Variants in PIEZO2 observed in about 807,000 individuals in gnomAD.
PIEZO2 encodes piezo-type mechanosensitive ion channel component 2.
A neutral mutation model predicts 337.3 loss-of-function variants in PIEZO2; 172 were observed. That is an observed-to-expected ratio of 0.51 (90% CI 0.45 to 0.58). PIEZO2 has a LOEUF of 0.58. Among genes scored for constraint, PIEZO2 ranks in the 20% least tolerant of loss-of-function variants. The pLI is 0.00. For missense variants in PIEZO2, 3,028 were observed against 3,391.3 expected, an observed-to-expected ratio of 0.89 and a Z score of 2.66; for synonymous variants, 1,251 against 1,228.5, an observed-to-expected ratio of 1.02 and a Z score of -0.38.
At chr18:11,133,634 T>C (rs371083352) in intron 1 of PIEZO2, among the ~76,000 whole-genome samples, 10 of 152,142 alleles carry the variant, frequency 6.6e-5, no homozygotes, top group Admixed American at 2.0e-4. Context: ...CTTCCCAGTC[T>C]ATATCTTTGT....
intron 3 of PIEZO2, among the ~76,000 whole-genome samples, chr18:10,964,776 C>G (rs1435635439): frequency 6.6e-6 from 1 of 152,186 alleles, no homozygotes; most frequent in South Asian, 2.1e-4. Context: ...TACCCAGAGC[C>G]CTTGGCAACA....
chr18:11,015,148 G>A lies in PIEZO2; in HGVS notation c.161-35488C>T, dbSNP rs555123462. Among the ~76,000 whole-genome samples the A allele has an allele frequency of 7.3e-3, 718 of 98,842 alleles. 73 individuals carry two copies. The highest frequency in any genetic ancestry group is 0.033 in the African/African-American group (660 of 20,252). The allele number at this position is 98,842 out of a possible 152,430, so 64.8% of individuals were successfully genotyped here. ...AACATGTCACCCTGGGTGAGACAGC[G>A]ATCCATGACCCCCTCATTCCTCAGT... On this transcript the variant is annotated intron_variant, in intron 2 of 55. Transcript: ENST00000674853.
At chr18:10,778,726 G>A (rs1346027685) in intron 18 of PIEZO2, among the ~76,000 whole-genome samples, 1 of 152,176 alleles carries the variant, frequency 6.6e-6, no homozygotes, top group Non-Finnish European at 1.5e-5. Flanking sequence ...TTGGTCATTT[G>A]GGGTGACTTT....
chr18:11,007,939 A>G (rs1465347907), intron 2 of PIEZO2, among the ~76,000 whole-genome samples: 1 of 152,224 alleles, frequency 6.6e-6, no homozygotes, highest in East Asian at 1.9e-4. Context: ...CAGAAATGAC[A>G]AATATGTGAA....
rs766636956 is a variant in PIEZO2, at chr18:10,696,374, G to A, written c.6975+18C>T. ...GCCATGGGTCAGGGCGGGTGCTGTG[G>A]CCTTTGCCCCAACCTACCCCAAAGG... On this transcript the variant is annotated intron_variant, in intron 46 of 55. Coordinates refer to ENST00000674853, the MANE Select transcript of PIEZO2 (RefSeq NM_001378183.1). The A allele has an allele frequency of 3.1e-5, 50 of 1,614,058 alleles. No individual in the cohort carries two copies. The highest frequency in any genetic ancestry group is 4.0e-5 in the African/African-American group (3 of 74,942).
intron 47 of PIEZO2, 90 bp from the exon 48 acceptor site, chr18:10,691,473 G>A: frequency 1.5e-6 from 2 of 1,327,450 alleles, no homozygotes; most frequent in Non-Finnish European, 1.0e-6. Context: ...CAGGCCAACA[G>A]AATTTCCCCT....
rs1450488177 is a variant in PIEZO2 at position 10,795,571 on chromosome 18, T to C, written c.1528-569A>G. Among the ~76,000 whole-genome samples, 1 of 152,014 alleles carries C rather than the reference T, an allele frequency of 6.6e-6. No individual in the cohort carries two copies. The highest frequency in any genetic ancestry group is 1.5e-5 in the Non-Finnish European group (1 of 68,016). On this transcript the variant is annotated intron_variant, in intron 12 of 55. Transcript: ENST00000674853. This position sits in a 1 kb window ranked among gnomAD's most constrained non-coding sequence, Gnocchi z 4.4. The stretch of plus-strand genomic sequence containing the variant: ...AGTAACCAAAGAACACAGAACTAAT[T>C]TTATTTGAAGAATAGAGCTGGCAAT...
chr18:10,995,736 T>C (rs1313112248), intron 2 of PIEZO2, among the ~76,000 whole-genome samples: 1 of 152,162 alleles, frequency 6.6e-6, no homozygotes, highest in Non-Finnish European at 1.5e-5. Context: ...CATAGGCCTC[T>C]TTCCAGTGAC....
chr18:11,143,609 AC>A lies in PIEZO2; in HGVS notation c.64+4915del, dbSNP rs2040718079. 4.1e-5 allele frequency among the ~76,000 whole-genome samples: 1 copy of A among 24,616 alleles called. No homozygotes were observed. The highest frequency in any genetic ancestry group is 7.5e-5 in the African/African-American group (1 of 13,422). The allele number at this position is 24,616 out of a possible 152,430, so 16.1% of individuals were successfully genotyped here. A position where few individuals can be genotyped will look rare whatever the true frequency, so the allele number is the denominator to read the frequency against. On this transcript the variant is annotated intron_variant, in intron 1 of 55. Transcript: ENST00000674853. The surrounding 1 kb of genome is among the most constrained non-coding windows in gnomAD (Gnocchi z 4.9). ...AGAACTAAAAATCTCTAACACACACACACACACACACACACACACACACACA... is the reference window on the plus strand; with the variant it reads ...AGAACTAAAAATCTCTAACACACACAACACACACACACACACACACACACA...
chr18:10,993,054 T>C lies in PIEZO2; in HGVS notation c.161-13394A>G, dbSNP rs991381732. Among the ~76,000 whole-genome samples the C allele has an allele frequency of 2.6e-5, 4 of 152,198 alleles. No homozygotes were observed. Among genetic ancestry groups the C allele is most frequent in the African/African-American group, 9.6e-5 (4 of 41,454 alleles). The stretch of plus-strand genomic sequence containing the variant: ...TGTTATTGGTGTATAGGAATGCTTG[T>C]GATTTTTGCACATTGATTTTGTATC... On this transcript the variant is annotated intron_variant, in intron 2 of 55. Transcript: ENST00000674853. The surrounding 1 kb of genome is among the most constrained non-coding windows in gnomAD (Gnocchi z 5.0).
intron 2 of PIEZO2, among the ~76,000 whole-genome samples, chr18:11,062,580 C>A (rs2038005396): frequency 6.6e-6 from 1 of 152,090 alleles, no homozygotes; most frequent in Non-Finnish European, 1.5e-5. Flanking sequence ...ACAAACAACC[C>A]CATCAAAAAG....
In PIEZO2 at chr18:10,783,941, T is replaced by C. The variant is rs533202585; in HGVS notation, c.2492+843A>G. Among the ~76,000 whole-genome samples the C allele has an allele frequency of 6.6e-6, 1 of 152,380 alleles. No individual in the cohort carries two copies. Among genetic ancestry groups the C allele is most frequent in the East Asian group, 1.9e-4 (1 of 5,190 alleles). ...ATCTTCTATTGATACCTGCATTTTT[T>C]CCCTTAAAGTCAAATAATTAAGGAG... On this transcript the variant is annotated intron_variant, in intron 17 of 55. Coordinates refer to ENST00000674853, the MANE Select transcript of PIEZO2 (RefSeq NM_001378183.1). The surrounding 1 kb of genome is among the most constrained non-coding windows in gnomAD (Gnocchi z 4.3).
chr18:10,879,524 T>C (rs1367905081), intron 4 of PIEZO2, among the ~76,000 whole-genome samples: 1 of 151,190 alleles, frequency 6.6e-6, no homozygotes, highest in Non-Finnish European at 1.5e-5. Context: ...GCCTCCTGAG[T>C]AGCTAGGACT....
intron 49 of PIEZO2, among the ~76,000 whole-genome samples, chr18:10,685,951 G>A (rs915944336): frequency 1.4e-5 from 2 of 138,030 alleles, no homozygotes; most frequent in Non-Finnish European, 1.7e-5. Context: ...CAACTGACTC[G>A]CTCACTTGTG....
At chr18:10,874,233 C>A (rs544752441) in intron 4 of PIEZO2, among the ~76,000 whole-genome samples, 1 of 152,102 alleles carries the variant, frequency 6.6e-6, no homozygotes, top group Admixed American at 6.5e-5. Flanking sequence ...CATCACTCAT[C>A]ATCAAGGAAA....
At chr18:11,134,727 T>C (rs1849833828) in intron 1 of PIEZO2, among the ~76,000 whole-genome samples, 1 of 152,232 alleles carries the variant, frequency 6.6e-6, no homozygotes, top group Non-Finnish European at 1.5e-5. Context: ...TTGCCATGTT[T>C]TAGCCCAGCA....
rs144299917 is a variant in PIEZO2, at chr18:10,814,845, G to A, written c.918-7571C>T. Among the ~76,000 whole-genome samples, 129 of 152,302 alleles carry A rather than the reference G, an allele frequency of 8.5e-4. 3 individuals are homozygous for A. In the East Asian group the frequency reaches 0.023, roughly 28 times the overall value. On this transcript the variant is annotated intron_variant, in intron 7 of 55. Transcript: ENST00000674853. ...ACTCATGGGCTCAACTGAGAGCAGG[G>A]GAACACATGACAAGCAGCCTTGAAA...
intron 2 of PIEZO2, among the ~76,000 whole-genome samples, chr18:11,057,558 G>A (rs189266225): frequency 3.3e-5 from 5 of 152,294 alleles, no homozygotes; most frequent in African/African-American, 1.2e-4. Flanking sequence ...GATTTGCAGG[G>A]AGGTGGATTT....
In PIEZO2 at chr18:11,092,438, TAAG is replaced by T. The variant is rs1016957266; in HGVS notation, c.65-26219_65-26217del. On this transcript the variant is annotated intron_variant, in intron 1 of 55. Coordinates refer to ENST00000674853, the MANE Select transcript of PIEZO2 (RefSeq NM_001378183.1). The surrounding 1 kb of genome is among the most constrained non-coding windows in gnomAD (Gnocchi z 4.5). ...CATATTTGTTTGAAAAAAGCTATAG[TAAG>T]AAGACATAACAGCAGTAATTATCAC... Among the ~76,000 whole-genome samples the T allele has an allele frequency of 1.3e-5, 2 of 152,202 alleles. No homozygotes were observed. The highest frequency in any genetic ancestry group is 4.8e-5 in the African/African-American group (2 of 41,448).
Sources: gnomAD v4.1 joint callset for allele counts (sites outside exome capture counted in the v4.1 genomes callset) on GRCh38, gnomAD v4.1.1 for gene constraint, Gnocchi (gnomAD v3.1) non-coding constraint, MANE v1.5 for transcripts, NCBI Gene and HGNC (gene_info 2026-07-23, HGNC 2026-07-21) for gene names.